Variants in SUGCT observed in about 807,000 individuals in gnomAD.
SUGCT encodes succinyl-CoA:glutarate-CoA transferase.
Under a neutral mutation model 55.0 loss-of-function variants are expected in SUGCT, and 41 were observed. The observed-to-expected ratio is 0.74, with a 90% CI of 0.58 to 0.97. The LOEUF (loss-of-function observed/expected upper bound fraction) is 0.97, where lower values mean the gene tolerates loss of function less well. Ranked by LOEUF, SUGCT falls within the 50% of genes least tolerant of loss-of-function variation. The probability of loss-of-function intolerance (pLI) is 0.00; values close to 1 mark genes in which losing one functional copy is unlikely to be tolerated. For missense variants in SUGCT, 568 were observed against 547.8 expected, an observed-to-expected ratio of 1.04 and a Z score of -0.37; for synonymous variants, 187 against 200.4, an observed-to-expected ratio of 0.93 and a Z score of 0.56.
chr7:40,995,823 C>T, the SUGCT span, among the ~76,000 whole-genome samples: 1 of 152,146 alleles, frequency 6.6e-6, no homozygotes, highest in African/African-American at 2.4e-5. Context: ...AGTCTCCAAT[C>T]TCCTTCAGGC....
At chr7:41,026,906 C>A in the SUGCT span, among the ~76,000 whole-genome samples, 1 of 152,114 alleles carries the variant, frequency 6.6e-6, no homozygotes, top group African/African-American at 2.4e-5. Context: ...GTGGCGCATG[C>A]CTGTAATCCC....
chr7:40,694,255 A>G (rs1253138790), intron 12 of SUGCT, among the ~76,000 whole-genome samples: 1 of 152,196 alleles, frequency 6.6e-6, no homozygotes, highest in East Asian at 1.9e-4. Context: ...AAAAGCTGAC[A>G]TGGAGAAAGT....
the SUGCT span, among the ~76,000 whole-genome samples, chr7:41,003,422 G>T: frequency 8.3e-4 from 126 of 152,276 alleles, no homozygotes; most frequent in African/African-American, 3.0e-3. Context: ...AAAACAAAGA[G>T]CATGTATATC....
intron 12 of SUGCT, among the ~76,000 whole-genome samples, chr7:40,580,513 A>G (rs1204381693): frequency 2.0e-5 from 3 of 152,172 alleles, no homozygotes; most frequent in African/African-American, 7.2e-5. Flanking sequence ...TTAACATTGC[A>G]TCTCCCAAAA....
chr7:40,832,100 G>A (rs1005078349), intron 13 of SUGCT, among the ~76,000 whole-genome samples: 18 of 152,244 alleles, frequency 1.2e-4, no homozygotes, highest in East Asian at 3.9e-4. Flanking sequence ...ACAAGGGGCC[G>A]TGCATGCAAA....
intron 9 of SUGCT, among the ~76,000 whole-genome samples, chr7:40,390,486 T>C (rs1251975791): frequency 6.6e-6 from 1 of 152,168 alleles, no homozygotes; most frequent in East Asian, 1.9e-4. Context: ...TCCTATACAC[T>C]GATAACAGAC....
At chr7:40,434,939 TCAGC>T (rs981430004) in intron 9 of SUGCT, among the ~76,000 whole-genome samples, 18 of 152,276 alleles carry the variant, frequency 1.2e-4, no homozygotes, top group African/African-American at 4.1e-4. Flanking sequence ...CTGCTGTGGG[TCAGC>T]AGGACCCTCC....
the SUGCT span, among the ~76,000 whole-genome samples, chr7:40,994,569 C>T: frequency 6.6e-6 from 1 of 152,164 alleles, no homozygotes; most frequent in South Asian, 2.1e-4. Flanking sequence ...AACCTGGCAT[C>T]CAAACCAGGA....
chr7:40,852,446 G>T (rs1270456376), intron 13 of SUGCT, among the ~76,000 whole-genome samples: 1 of 151,896 alleles, frequency 6.6e-6, no homozygotes. Flanking sequence ...TGTAAGTCCT[G>T]CCACTGCTTT....
intron 7 of SUGCT, among the ~76,000 whole-genome samples, chr7:40,242,174 T>C (rs1273235434): frequency 6.6e-6 from 1 of 151,656 alleles, no homozygotes; most frequent in Non-Finnish European, 1.5e-5. Flanking sequence ...TTTTTTTTCT[T>C]TTCTTTTTTT....
At chr7:40,251,197 A>G (rs1246102010) in intron 7 of SUGCT, among the ~76,000 whole-genome samples, 2 of 152,200 alleles carry the variant, frequency 1.3e-5, no homozygotes, top group African/African-American at 4.8e-5. Flanking sequence ...CTGAGCAATG[A>G]TTAGCATTCG....
intron 9 of SUGCT, among the ~76,000 whole-genome samples, chr7:40,403,363 A>G (rs918055459): frequency 2.6e-4 from 39 of 152,214 alleles, no homozygotes; most frequent in Non-Finnish European, 4.8e-4. Flanking sequence ...AAAGCTGAGT[A>G]GTATTTTATC....
At chr7:40,487,573 G>C (rs1388228307) in intron 11 of SUGCT, among the ~76,000 whole-genome samples, 7 of 151,772 alleles carry the variant, frequency 4.6e-5, no homozygotes, top group Admixed American at 4.6e-4. Context: ...TTGATTTTCT[G>C]TCTAGATGAT....
At chr7:40,600,715 A>G (rs1798250895) in intron 12 of SUGCT, among the ~76,000 whole-genome samples, 1 of 149,488 alleles carries the variant, frequency 6.7e-6, no homozygotes, top group Non-Finnish European at 1.5e-5. Flanking sequence ...TGAAGAATCA[A>G]GGTAGAGAGT....
the SUGCT span, among the ~76,000 whole-genome samples, chr7:40,900,286 C>T: frequency 6.6e-6 from 1 of 152,224 alleles, no homozygotes; most frequent in African/African-American, 2.4e-5. Context: ...CTGGCTCCTC[C>T]TGCATGACCA....
chr7:40,426,142 A>G (rs1787575085), intron 9 of SUGCT, among the ~76,000 whole-genome samples: 1 of 152,138 alleles, frequency 6.6e-6, no homozygotes. Flanking sequence ...AAGGACTGAG[A>G]GAAGTTACTC....
intron 9 of SUGCT, among the ~76,000 whole-genome samples, chr7:40,394,364 C>T (rs1785604374): frequency 6.6e-6 from 1 of 152,060 alleles, no homozygotes; most frequent in Admixed American, 6.6e-5. Context: ...TCTATACAGT[C>T]CCTGTTGCAA....
chr7:40,818,143 G>A (rs908810946), intron 13 of SUGCT, among the ~76,000 whole-genome samples: 3 of 152,170 alleles, frequency 2.0e-5, no homozygotes, highest in African/African-American at 4.8e-5. Context: ...AGGATATAAC[G>A]CAACTCTTGC....
chr7:40,481,024 A>T (rs1055800164), intron 11 of SUGCT, among the ~76,000 whole-genome samples: 1 of 152,158 alleles, frequency 6.6e-6, no homozygotes, highest in East Asian at 1.9e-4. Flanking sequence ...AACATTTTTT[A>T]AAAAATCAAG....
Sources: gnomAD v4.1 joint callset for allele counts (sites outside exome capture counted in the v4.1 genomes callset) on GRCh38, gnomAD v4.1.1 for gene constraint, MANE v1.5 for transcripts, NCBI Gene and HGNC (gene_info 2026-07-23, HGNC 2026-07-21) for gene names.